The following SYNPR variants were observed in gnomAD, a reference collection of about 807,000 sequenced individuals.
SYNPR encodes the protein synaptoporin.
Under a neutral mutation model 32.9 loss-of-function variants are expected in SYNPR, and 23 were observed. The ratio of observed to expected loss-of-function variants is 0.70; its 90% confidence interval spans 0.50 to 0.99. The LOEUF (loss-of-function observed/expected upper bound fraction) is 0.99. SYNPR is among the 50% of genes least tolerant of loss of function. The pLI is 0.00. For synonymous variants in SYNPR, 146 were observed against 135.9 expected (o/e 1.07, Z -0.52); for missense variants, 318 against 349.3 (o/e 0.91, Z 0.71).
rs528962763 is a variant in SYNPR at position 63,354,439 on chromosome 3, G to C, written c.84+75697G>C. 1.3e-4 allele frequency among the ~76,000 whole-genome samples: 20 copies of C among 152,268 alleles called. No homozygotes were observed. In the South Asian group the frequency reaches 2.7e-3, roughly 21 times the overall value. On this transcript the variant is annotated intron_variant, in intron 2 of 5. Coordinates refer to ENST00000478300, the MANE Select transcript of SYNPR (RefSeq NM_001130003.2). ...TCATGAATGTCAAACCTAACTGCAG[G>C]TTAGAGTTTGCTTTGCAAGTCCCTT...
chr3:63,572,508 T>C (rs1419081827), intron 4 of SYNPR, among the ~76,000 whole-genome samples: 6 of 152,170 alleles, frequency 3.9e-5, no homozygotes, highest in Non-Finnish European at 8.8e-5. Flanking sequence ...TTTTAAAGTT[T>C]ATCTCTCCAA....
intron 2 of SYNPR, among the ~76,000 whole-genome samples, chr3:63,291,459 T>C (rs2086737575): frequency 6.6e-6 from 1 of 152,150 alleles, no homozygotes; most frequent in African/African-American, 2.4e-5. Context: ...TGGGAAATCT[T>C]TCCCATATGA....
At chr3:63,268,885 T>C (rs1018733392) in intron 3 of SYNPR, among the ~76,000 whole-genome samples, 2 of 152,270 alleles carry the variant, frequency 1.3e-5, no homozygotes, top group Admixed American at 6.5e-5. Context: ...TACTATCTTT[T>C]GACATTTTTG....
chr3:63,604,260 AG>A (rs1397254935), intron 4 of SYNPR, among the ~76,000 whole-genome samples: 3 of 152,124 alleles, frequency 2.0e-5, no homozygotes, highest in Non-Finnish European at 4.4e-5. Flanking sequence ...TCTAGCTACC[AG>A]TCTATCTGTC....
intron 2 of SYNPR, among the ~76,000 whole-genome samples, chr3:63,408,311 GGAAGGAAGGAAA>G (rs1216413035): frequency 1.4e-5 from 1 of 72,312 alleles, no homozygotes; most frequent in African/African-American, 8.8e-5. Flanking sequence ...AAGGAAGGAA[GGAAGGAAGGAAA>G]GAAAGAAAGA....
chr3:63,313,680 C>CATATATATCTATATATATATATCCAT (rs1166895185), intron 2 of SYNPR, among the ~76,000 whole-genome samples: 8 of 62,918 alleles, frequency 1.3e-4, no homozygotes, highest in African/African-American at 4.9e-4. Flanking sequence ...AATTAATACA[C>CATATATATCTATATATATATATCCAT]ATATATATCC....
intron 3 of SYNPR, among the ~76,000 whole-genome samples, chr3:63,494,476 T>TACAC (rs765467218): frequency 2.5e-5 from 3 of 118,410 alleles, no homozygotes; most frequent in African/African-American, 3.4e-5. Context: ...TACACATATA[T>TACAC]ACATATATAT....
At chr3:63,354,915 G>A (rs2087555574) in intron 2 of SYNPR, among the ~76,000 whole-genome samples, 1 of 152,156 alleles carries the variant, frequency 6.6e-6, no homozygotes, top group South Asian at 2.1e-4. Context: ...GCAAAGCTGG[G>A]GAGTACGTAT....
chr3:63,339,362 TTTA>T (rs1361554658), intron 2 of SYNPR, among the ~76,000 whole-genome samples: 5 of 152,210 alleles, frequency 3.3e-5, no homozygotes, highest in African/African-American at 1.2e-4. Flanking sequence ...TAATTGAATT[TTTA>T]TTAAGATAAT....
intron 2 of SYNPR, among the ~76,000 whole-genome samples, chr3:63,412,090 CA>C (rs1390512601): frequency 1.3e-5 from 2 of 151,948 alleles, no homozygotes; most frequent in Non-Finnish European, 2.9e-5. Context: ...GGAAGCAAAT[CA>C]ATGGAACTTC....
intron 2 of SYNPR, among the ~76,000 whole-genome samples, chr3:63,441,076 C>A (rs537311120): frequency 7.9e-5 from 12 of 152,276 alleles, no homozygotes; most frequent in African/African-American, 2.6e-4. Context: ...CAATGGCATA[C>A]AATTAGGCTC....
intron 1 of SYNPR, among the ~76,000 whole-genome samples, chr3:63,241,871 T>A (rs971329112): frequency 6.6e-6 from 1 of 152,080 alleles, no homozygotes; most frequent in Non-Finnish European, 1.5e-5. Context: ...GATGGAAAAT[T>A]TAAAAAGTTT....
chr3:63,598,757 C>T (rs183608363), intron 4 of SYNPR, among the ~76,000 whole-genome samples: 63 of 152,232 alleles, frequency 4.1e-4, no homozygotes, highest in African/African-American at 1.4e-3. Context: ...GAAGGGCAGC[C>T]TCTTCACTCT....
intron 2 of SYNPR, among the ~76,000 whole-genome samples, chr3:63,265,241 C>CTTTTTTTTTTTTTTTTTTTTTTTTTTT (rs71126590): frequency 2.0e-5 from 2 of 102,214 alleles, no homozygotes; most frequent in African/African-American, 3.9e-5. Flanking sequence ...TAATGACATT[C>CTTTTTTTTTTTTTTTTTTTTTTTTTTT]TTTTTTTTTT....
intron 2 of SYNPR, among the ~76,000 whole-genome samples, chr3:63,455,359 G>C (rs2106641821): frequency 6.6e-6 from 1 of 152,176 alleles, no homozygotes; most frequent in Non-Finnish European, 1.5e-5. Context: ...CAGTCTTATT[G>C]AGGTTAAAAT....
intron 2 of SYNPR, among the ~76,000 whole-genome samples, chr3:63,403,917 T>C (rs532054155): frequency 1.5e-4 from 23 of 152,354 alleles, no homozygotes; most frequent in African/African-American, 5.3e-4. Context: ...CTACCTTGGA[T>C]GTAAACATCA....
At chr3:63,530,244 G>T (rs1021703511) in intron 3 of SYNPR, among the ~76,000 whole-genome samples, 1 of 152,122 alleles carries the variant, frequency 6.6e-6, no homozygotes, top group Non-Finnish European at 1.5e-5. Flanking sequence ...AGCAAATTAC[G>T]CAGCCTATTC....
In SYNPR at chr3:63,312,247, G is replaced by T. The variant is rs535498555; in HGVS notation, c.84+33505G>T. Among the ~76,000 whole-genome samples, 26 of 152,148 alleles carry T rather than the reference G, an allele frequency of 1.7e-4. 1 individual carries two copies. The South Asian group carries it at 5.0e-3, about 29-fold the overall frequency. The stretch of plus-strand genomic sequence containing the variant: ...ATCCCTTTTTGCCTATGTGCTCCAA[G>T]ATATATGCATATGATTTTACATTAA... On this transcript the variant is annotated intron_variant, in intron 2 of 5. Transcript: ENST00000478300.
intron 2 of SYNPR, among the ~76,000 whole-genome samples, chr3:63,263,811 A>C (rs1350714449): frequency 1.3e-5 from 2 of 152,322 alleles, no homozygotes; most frequent in South Asian, 4.1e-4. Context: ...CCATTTCTTA[A>C]GAGCCTAGAA....
Sources: allele counts gnomAD v4.1 joint callset (sites outside exome capture counted in the v4.1 genomes callset), GRCh38; gene constraint gnomAD v4.1.1; transcripts MANE v1.5; gene names NCBI Gene and HGNC (gene_info 2026-07-23, HGNC 2026-07-21).